The following OTOG variants were observed in gnomAD, a reference collection of about 807,000 sequenced individuals.
OTOG encodes the protein otogelin.
Under a neutral mutation model 313.8 loss-of-function variants are expected in OTOG, and 296 were observed. The observed-to-expected ratio is 0.94, with a 90% CI of 0.86 to 1.04. OTOG has a LOEUF of 1.04. Ranked by LOEUF, OTOG falls within the 50% of genes least tolerant of loss-of-function variation. The pLI, the probability that OTOG is intolerant of heterozygous loss-of-function variation, is 0.00. For synonymous variants in OTOG, 1,533 were observed against 1,554.9 expected (o/e 0.99, Z 0.33); for missense variants, 3,948 against 3,840.1 (o/e 1.03, Z -0.74).
Position 17,561,752 on chromosome 11 carries a change from A to G in OTOG, c.1589A>G (p.Lys530Arg). The G allele has an allele frequency of 6.4e-7, 1 of 1,550,518 alleles. No individual in the cohort carries two copies. Among genetic ancestry groups the G allele is most frequent in the East Asian group, 2.4e-5 (1 of 40,912 alleles). ...GCCACATGTCAGTACATCCTGGCCA[A>G]GAGCCGCTCTTCGGGCACCTTCACC... is the stretch of plus-strand genomic sequence containing the variant. Reference protein sequence around the residue: ...FPATCQYILAKSRSSGTFTVT... With the variant: ...FPATCQYILARSRSSGTFTVT... Residue 530 changes from lysine (K) to arginine (R), a missense_variant, in exon 15 of 56, where the codon AAG (lysine) becomes AGG (arginine). Coordinates refer to ENST00000399397, the MANE Select transcript of OTOG (RefSeq NM_001292063.2).
intron 26 of OTOG, 71 bp from the exon 27 acceptor site, chr11:17,593,539 G>A: frequency 6.5e-7 from 1 of 1,528,750 alleles, no homozygotes. Flanking sequence ...GTGAGGGCCT[G>A]GCTGCAGGCA....
chr11:17,559,205 G>A (rs780829690), intron 11 of OTOG, 44 bp downstream of exon 11: 16 of 1,402,124 alleles, frequency 1.1e-5, no homozygotes, highest in African/African-American at 1.0e-4. Context: ...TTCAGGCTGT[G>A]GGTGGCATTC....
At chr11:17,589,568 A>G (rs1339460328) in intron 24 of OTOG, among the ~76,000 whole-genome samples, 1 of 152,110 alleles carries the variant, frequency 6.6e-6, no homozygotes, top group Non-Finnish European at 1.5e-5. Flanking sequence ...TCTCCCATAT[A>G]AACAATTTGC....
At chr11:17,602,411 T>C in intron 32 of OTOG, 34 bp downstream of exon 32, 1 of 1,538,602 alleles carries the variant, frequency 6.5e-7, no homozygotes. Flanking sequence ...CCAGCTCTTC[T>C]GGGAGGCAGG....
chr11:17,634,835 CG>C lies in OTOG; in HGVS notation c.7481-5del. On this transcript the variant is annotated splice_polypyrimidine_tract_variant and splice_region_variant and intron_variant, in intron 44 of 55. Coordinates refer to ENST00000399397, the MANE Select transcript of OTOG (RefSeq NM_001292063.2). ...CCGAGGTGACAGGCCCTGTGGTCCC[CG>C]GGGCCAGTGTGTAACCAGACTCTGT... 6.5e-7 allele frequency: 1 copy of C among 1,546,882 alleles called. No homozygotes were observed. Among genetic ancestry groups the C allele is most frequent in the African/African-American group, 1.4e-5 (1 of 73,020 alleles).
At chr11:17,614,968 G>A (rs528165788) in intron 39 of OTOG, among the ~76,000 whole-genome samples, 2 of 152,326 alleles carry the variant, frequency 1.3e-5, no homozygotes, top group East Asian at 1.9e-4. Context: ...CAGGCATTTA[G>A]CATTCCCACC....
chr11:17,583,966 T>C (rs1590019901), intron 23 of OTOG, among the ~76,000 whole-genome samples: 2 of 152,328 alleles, frequency 1.3e-5, no homozygotes, highest in Middle Eastern at 6.8e-3. Flanking sequence ...TTCTTATTTA[T>C]TGGTCTTCAT....
intron 33 of OTOG, among the ~76,000 whole-genome samples, chr11:17,607,974 C>G (rs1325981819): frequency 6.6e-6 from 1 of 152,086 alleles, no homozygotes; most frequent in Non-Finnish European, 1.5e-5. Flanking sequence ...GATCAGGGGT[C>G]CAGGCCTCTT....
rs149486088 is a variant in OTOG, at chr11:17,570,261, C to T, written c.1826C>T (p.Thr609Met). Reference sequence around the variant, plus strand: ...TCCTCCGTGTTCCTGCGGGTGAGGACGAACGTGGGCGTGCGGGTGCTCTAC... The same window carrying T: ...TCCTCCGTGTTCCTGCGGGTGAGGATGAACGTGGGCGTGCGGGTGCTCTAC... ...RLSSVFLRVR[T>M]NVGVRVLYDR... The change falls in exon 17 of 56, where the codon ACG becomes ATG. Residue 609 changes from threonine to methionine, a missense_variant. Coordinates refer to ENST00000399397, the MANE Select transcript of OTOG (RefSeq NM_001292063.2). The T allele has an allele frequency of 4.9e-5, 76 of 1,550,820 alleles. 1 individual carries two copies. The highest frequency in any genetic ancestry group is 3.9e-4 in the South Asian group (33 of 84,056).
At chr11:17,583,307 T>A (rs1050361777) in intron 23 of OTOG, among the ~76,000 whole-genome samples, 3 of 152,082 alleles carry the variant, frequency 2.0e-5, no homozygotes, top group Non-Finnish European at 2.9e-5. Context: ...GCAAATTTTT[T>A]AAATTTTTTG....
chr11:17,552,191 G>A, intron 4 of OTOG, 116 bp downstream of exon 4: 1 of 1,032,568 alleles, frequency 9.7e-7, no homozygotes, highest in Non-Finnish European at 1.5e-6. Flanking sequence ...CCTTTTTCCT[G>A]CTTGGCATCT....
chr11:17,561,876 G>A lies in OTOG; in HGVS notation c.1644+69G>A, dbSNP rs4757545. 231,832 of 1,530,176 alleles carry A rather than the reference G, an allele frequency of 0.15. 18,029 individuals are homozygous for A. Among genetic ancestry groups the A allele is most frequent in the Middle Eastern group, 0.19 (1,081 of 5,638 alleles). The allele number at this position is 1,530,176 out of a possible 1,614,324, so 94.8% of individuals were successfully genotyped here. A position where few individuals can be genotyped will look rare whatever the true frequency, so the allele number is the denominator to read the frequency against. Reference sequence around the variant, plus strand: ...TGCCTACTGCCCCCAAGAGAGACTGGGACTTAGGACAGGGCTCAGGTCTTC... The same window carrying A: ...TGCCTACTGCCCCCAAGAGAGACTGAGACTTAGGACAGGGCTCAGGTCTTC... On this transcript the variant is annotated intron_variant, in intron 15 of 55. Transcript: ENST00000399397.
rs537692398 is a variant in OTOG, at chr11:17,645,762, G to A, written c.8560G>A (p.Asp2854Asn). The stretch of plus-strand genomic sequence containing the variant: ...GTTCCAGGTGAACCTAGTGTCCTGC[G>A]ATGGGAGGTGCCCATCCGCCAGCAT... ...SSTPVNLVSC[D>N]GRCPSASIYN... The change falls in exon 56 of 56, where the codon GAT (aspartate) becomes AAT (asparagine). Residue 2854 changes from aspartate (D) to asparagine (N), a missense_variant. By Grantham distance (23) the Asp-to-Asn change is conservative. Transcript: ENST00000399397. The A allele has an allele frequency of 1.6e-5, 25 of 1,550,908 alleles. No homozygotes were observed. Among genetic ancestry groups the A allele is most frequent in the Middle Eastern group, 1.7e-4 (1 of 5,992 alleles).
At position 17,547,655 on chromosome 11, in the gene OTOG, C is replaced by CG. The variant is rs1028753609; in HGVS notation, c.94+194dup. ...GCCAACAGAGGCAGGCCTATGACCG[C>CG]GGGGGAAAGAGTCCAAAGTTAGGCT... On this transcript the variant is annotated intron_variant, in intron 1 of 55. Transcript: ENST00000399397. 3.6e-6 allele frequency: 4 copies of CG among 1,108,648 alleles called. No homozygotes were observed. In the Admixed American group the frequency reaches 1.6e-4, roughly 44 times the overall value. The allele number at this position is 1,108,648 out of a possible 1,614,324, so 68.7% of individuals were successfully genotyped here. A position where few individuals can be genotyped will look rare whatever the true frequency, so the allele number is the denominator to read the frequency against.
chr11:17,581,579 T>C (rs750623410), intron 23 of OTOG, among the ~76,000 whole-genome samples: 3 of 152,220 alleles, frequency 2.0e-5, no homozygotes, highest in Non-Finnish European at 2.9e-5. Flanking sequence ...CCAGTCAGCT[T>C]TTGATGCCTC....
chr11:17,612,888 C>T, intron 38 of OTOG, 123 bp downstream of exon 38: 1 of 1,226,020 alleles, frequency 8.2e-7, no homozygotes, highest in South Asian at 1.6e-5. Context: ...CCTGAGCTCC[C>T]TCTGTCTCCA....
chr11:17,626,056 C>T (rs972930850), intron 39 of OTOG, among the ~76,000 whole-genome samples: 1 of 152,222 alleles, frequency 6.6e-6, no homozygotes, highest in African/African-American at 2.4e-5. Context: ...ATTGAAAAGA[C>T]TGTCTTTTCC....
chr11:17,587,020 T>C (rs1484974602), intron 24 of OTOG, among the ~76,000 whole-genome samples: 2 of 152,218 alleles, frequency 1.3e-5, no homozygotes, highest in Admixed American at 1.3e-4. Flanking sequence ...TTTATATATA[T>C]TTTTGTGCAT....
intron 28 of OTOG, 96 bp downstream of exon 28, chr11:17,594,262 G>T: frequency 1.4e-6 from 2 of 1,460,840 alleles, no homozygotes; most frequent in Non-Finnish European, 1.9e-6. Flanking sequence ...GGATGCTGGT[G>T]TGAGGTTTCT....
Sources: allele counts gnomAD v4.1 joint callset (sites outside exome capture counted in the v4.1 genomes callset), GRCh38; gene constraint gnomAD v4.1.1; transcripts MANE v1.5; gene names NCBI Gene and HGNC (gene_info 2026-07-23, HGNC 2026-07-21).